The following HERPUD2 variants were observed in gnomAD, a reference collection of about 807,000 sequenced individuals.
The protein encoded by HERPUD2 is HERPUD family member 2.
HERPUD2 carries 13 observed loss-of-function variants against 49.9 expected under a neutral mutation model. That is an observed-to-expected ratio of 0.26 (90% CI 0.17 to 0.41). HERPUD2 has a LOEUF of 0.41. HERPUD2 is among the 10% of genes least tolerant of loss of function. HERPUD2 has a pLI of 1.00. For missense variants in HERPUD2, 449 were observed against 492.2 expected, an observed-to-expected ratio of 0.91 and a Z score of 0.83; for synonymous variants, 172 against 171.4, an observed-to-expected ratio of 1.00 and a Z score of -0.03.
chr7:35,674,378 C>CAT (rs1562682656), intron 2 of HERPUD2, among the ~76,000 whole-genome samples: 585 of 34,712 alleles, frequency 0.017, 63 homozygotes, highest in Middle Eastern at 0.056. Context: ...AGTCTTACAA[C>CAT]CTATATATAT....
chr7:35,652,673 G>A (rs1583547065), intron 5 of HERPUD2, among the ~76,000 whole-genome samples: 1 of 147,026 alleles, frequency 6.8e-6, no homozygotes, highest in South Asian at 2.3e-4. Flanking sequence ...AGAAAGGGAG[G>A]AAGGGAGGGA....
chr7:35,674,379 CTA>C lies in HERPUD2; in HGVS notation c.148-1103_148-1102del, dbSNP rs1232272764. On this transcript the variant is annotated intron_variant, in intron 2 of 8. Coordinates refer to ENST00000311350, the MANE Select transcript of HERPUD2 (RefSeq NM_022373.5). ...GTTTTAAAATCATAAGTCTTACAAC[CTA>C]TATATATATATATATATATATATAG... is the stretch of plus-strand genomic sequence containing the variant. Among the ~76,000 whole-genome samples the C allele has an allele frequency of 3.7e-3, 161 of 42,960 alleles. 1 individual carries two copies. Among genetic ancestry groups the C allele is most frequent in the East Asian group, 0.01 (17 of 1,662 alleles). The allele number at this position is 42,960 out of a possible 152,430, so 28.2% of individuals were successfully genotyped here.
intron 3 of HERPUD2, among the ~76,000 whole-genome samples, chr7:35,670,807 C>T (rs1345001235): frequency 2.0e-5 from 3 of 151,934 alleles, no homozygotes; most frequent in Non-Finnish European, 4.4e-5. Flanking sequence ...CTATTTTTAT[C>T]TATAACACCT....
intron 4 of HERPUD2, among the ~76,000 whole-genome samples, chr7:35,667,961 G>A (rs1219216742): frequency 2.0e-5 from 3 of 152,144 alleles, no homozygotes; most frequent in Non-Finnish European, 4.4e-5. Context: ...TTTATTGAAA[G>A]TGTTCAATAA....
Position 35,655,473 on chromosome 7 carries a change from A to G in HERPUD2, c.494+11961T>C, listed in dbSNP as rs557957972. Among the ~76,000 whole-genome samples, 8 of 152,254 alleles carry G rather than the reference A, an allele frequency of 5.3e-5. No homozygotes were observed. In the South Asian group the frequency reaches 1.7e-3, roughly 32 times the overall value. ...ATCAACAGAATGAAGGACAAAAACCATATGATCATCTCAACATCCCTTCAT... is the reference window on the plus strand; with the variant it reads ...ATCAACAGAATGAAGGACAAAAACCGTATGATCATCTCAACATCCCTTCAT... On this transcript the variant is annotated intron_variant, in intron 5 of 8. Coordinates refer to ENST00000311350, the MANE Select transcript of HERPUD2 (RefSeq NM_022373.5).
intron 2 of HERPUD2, among the ~76,000 whole-genome samples, chr7:35,676,762 AATCT>A (rs1294644531): frequency 5.9e-5 from 9 of 152,176 alleles, no homozygotes; most frequent in Non-Finnish European, 7.3e-5. Context: ...TCACCCTGAA[AATCT>A]TTCTTGCTAA....
intron 6 of HERPUD2, among the ~76,000 whole-genome samples, chr7:35,637,258 G>A (rs562875484): frequency 9.2e-5 from 14 of 152,200 alleles, no homozygotes; most frequent in African/African-American, 3.4e-4. Context: ...AAGACTAAAA[G>A]GAGAAAGAGC....
At chr7:35,646,364 C>G (rs1785054512) in intron 5 of HERPUD2, among the ~76,000 whole-genome samples, 1 of 151,788 alleles carries the variant, frequency 6.6e-6, no homozygotes, top group South Asian at 2.1e-4. Context: ...GAGTTTGAGA[C>G]CAGCCTAAGC....
At chr7:35,679,361 G>A (rs1384103133) in intron 2 of HERPUD2, among the ~76,000 whole-genome samples, 5 of 152,148 alleles carry the variant, frequency 3.3e-5, no homozygotes, top group Non-Finnish European at 2.9e-5. Flanking sequence ...CCCAGAAAGA[G>A]ACTGGTAATC....
chr7:35,672,002 T>C (rs1261445721), intron 3 of HERPUD2, among the ~76,000 whole-genome samples: 2 of 152,038 alleles, frequency 1.3e-5, no homozygotes, highest in Non-Finnish European at 2.9e-5. Flanking sequence ...TTCTAAGTGA[T>C]ACTATACTGG....
At chr7:35,664,010 A>G (rs1196719321) in intron 5 of HERPUD2, among the ~76,000 whole-genome samples, 4 of 152,128 alleles carry the variant, frequency 2.6e-5, no homozygotes, top group Non-Finnish European at 5.9e-5. Flanking sequence ...ACAATTTGGC[A>G]TGTTTTTGCA....
chr7:35,676,475 T>C (rs1785763819), intron 2 of HERPUD2, among the ~76,000 whole-genome samples: 1 of 152,212 alleles, frequency 6.6e-6, no homozygotes, highest in East Asian at 1.9e-4. Context: ...AGTAGCTTCC[T>C]TGCTCTCAGG....
intron 5 of HERPUD2, among the ~76,000 whole-genome samples, chr7:35,656,036 C>G (rs1785267908): frequency 6.6e-6 from 1 of 152,104 alleles, no homozygotes; most frequent in Non-Finnish European, 1.5e-5. Flanking sequence ...ATGGCAGACA[C>G]CTGTAATCCC....
chr7:35,686,476 G>A (rs1279020775), intron 2 of HERPUD2, among the ~76,000 whole-genome samples: 1 of 128 alleles, frequency 7.8e-3, no homozygotes, highest in Non-Finnish European at 0.017. Context: ...CGTCAGCGCA[G>A]CGCCCGGCCT....
chr7:35,659,140 A>G (rs1306790735), intron 5 of HERPUD2, among the ~76,000 whole-genome samples: 1 of 152,236 alleles, frequency 6.6e-6, no homozygotes, highest in African/African-American at 2.4e-5. Flanking sequence ...TTATTTTGAT[A>G]GCAAATTGTT....
intron 2 of HERPUD2, among the ~76,000 whole-genome samples, chr7:35,686,827 G>C (rs1786069495): frequency 3.7e-5 from 1 of 26,682 alleles, no homozygotes; most frequent in African/African-American, 1.4e-4. Flanking sequence ...GGGGGTGGGG[G>C]GGTGGGGGGG....
chr7:35,633,933 A>T, intron 8 of HERPUD2, 82 bp from the exon 9 acceptor site: 1 of 1,379,020 alleles, frequency 7.3e-7, no homozygotes, highest in Non-Finnish European at 9.9e-7. Flanking sequence ...AATTCTTTGT[A>T]GAACAAAGGA....
chr7:35,674,896 T>C (rs1785727312), intron 2 of HERPUD2, among the ~76,000 whole-genome samples: 1 of 152,202 alleles, frequency 6.6e-6, no homozygotes, highest in African/African-American at 2.4e-5. Flanking sequence ...TATGCATCTC[T>C]CTTCCATTTG....
At chr7:35,661,710 T>C (rs1395277874) in intron 5 of HERPUD2, among the ~76,000 whole-genome samples, 1 of 152,318 alleles carries the variant, frequency 6.6e-6, no homozygotes, top group East Asian at 1.9e-4. Flanking sequence ...CTTGTGAATT[T>C]TGCACATTGA....
Sources: allele counts gnomAD v4.1 joint callset (sites outside exome capture counted in the v4.1 genomes callset), GRCh38; gene constraint gnomAD v4.1.1; transcripts MANE v1.5; gene names NCBI Gene and HGNC (gene_info 2026-07-23, HGNC 2026-07-21).